The following ARB2A variants were observed in gnomAD, a reference collection of about 807,000 sequenced individuals.
ARB2A encodes ARB2 cotranscriptional regulator A.
chr5:94,028,858 CT>C, the ARB2A span, among the ~76,000 whole-genome samples: 3 of 152,130 alleles, frequency 2.0e-5, no homozygotes, highest in African/African-American at 7.2e-5. Context: ...GAACATTTCT[CT>C]ACATAACCAT....
At chr5:93,783,635 C>G in the ARB2A span, among the ~76,000 whole-genome samples, 1 of 152,096 alleles carries the variant, frequency 6.6e-6, no homozygotes, top group Non-Finnish European at 1.5e-5. Context: ...TAAACAATTA[C>G]TATGGCACGG....
At chr5:93,640,576 G>A in the ARB2A span, among the ~76,000 whole-genome samples, 23,433 of 131,866 alleles carry the variant, frequency 0.18, 2,207 homozygotes, top group Middle Eastern at 0.29. Context: ...GTGTGTGTAT[G>A]TGTGTGTGTG....
At chr5:93,945,591 G>T in the ARB2A span, among the ~76,000 whole-genome samples, 1 of 151,950 alleles carries the variant, frequency 6.6e-6, no homozygotes, top group Non-Finnish European at 1.5e-5. Flanking sequence ...TCTATGGAAT[G>T]GTTAAAAGAA....
chr5:94,083,063 T>C, the ARB2A span, among the ~76,000 whole-genome samples: 1 of 152,196 alleles, frequency 6.6e-6, no homozygotes, highest in Non-Finnish European at 1.5e-5. Flanking sequence ...ACAAAATATT[T>C]TTTTCCCACA....
At chr5:93,713,992 A>C in the ARB2A span, among the ~76,000 whole-genome samples, 1 of 152,200 alleles carries the variant, frequency 6.6e-6, no homozygotes, top group South Asian at 2.1e-4. Context: ...GGGGCAGCTA[A>C]AGCCCTGTGC....
At chr5:93,869,367 T>A in the ARB2A span, among the ~76,000 whole-genome samples, 2 of 152,160 alleles carry the variant, frequency 1.3e-5, no homozygotes, top group Admixed American at 1.3e-4. Context: ...CTGTCCAATA[T>A]TATCTTAGAC....
chr5:93,980,224 G>C, the ARB2A span, among the ~76,000 whole-genome samples: 1 of 152,088 alleles, frequency 6.6e-6, no homozygotes, highest in Non-Finnish European at 1.5e-5. Flanking sequence ...ATATGTATCT[G>C]AACCTAATTT....
At chr5:93,830,303 G>GTGTGTGTGTGTT in the ARB2A span, among the ~76,000 whole-genome samples, 1 of 64,338 alleles carries the variant, frequency 1.6e-5, no homozygotes. Flanking sequence ...ATATATATGT[G>GTGTGTGTGTGTT]TGTGTGTGTA....
chr5:94,064,644 C>T, the ARB2A span, among the ~76,000 whole-genome samples: 1 of 152,180 alleles, frequency 6.6e-6, no homozygotes, highest in Non-Finnish European at 1.5e-5. Context: ...TAGCACATTG[C>T]TCAACAGAAC....
At chr5:93,740,900 C>T in the ARB2A span, 9 of 1,613,822 alleles carry the variant, frequency 5.6e-6, no homozygotes, top group Non-Finnish European at 7.6e-6. Flanking sequence ...AGGCTGTTTC[C>T]GATTCGTCGC....
the ARB2A span, chr5:93,781,753 TA>T: frequency 5.4e-4 from 191 of 353,134 alleles, no homozygotes; most frequent in Non-Finnish European, 6.3e-4. Context: ...ATTTTGGTTT[TA>T]ATTTGCATTT....
the ARB2A span, among the ~76,000 whole-genome samples, chr5:93,791,743 T>C: frequency 6.6e-6 from 1 of 152,172 alleles, no homozygotes; most frequent in South Asian, 2.1e-4. Flanking sequence ...CTGAAACTTC[T>C]TGGGTCACAT....
At chr5:94,083,675 AGTTT>A in the ARB2A span, among the ~76,000 whole-genome samples, 1 of 152,172 alleles carries the variant, frequency 6.6e-6, no homozygotes. Flanking sequence ...TTCTATTCAA[AGTTT>A]GTTTGACATT....
the ARB2A span, among the ~76,000 whole-genome samples, chr5:93,932,482 GAAGAT>G: frequency 6.6e-6 from 1 of 152,114 alleles, no homozygotes; most frequent in East Asian, 1.9e-4. Context: ...AAAATTATTT[GAAGAT>G]AAGTAGTCAG....
At chr5:93,740,823 G>A in the ARB2A span, 37 of 1,613,828 alleles carry the variant, frequency 2.3e-5, no homozygotes, top group Non-Finnish European at 3.1e-5. Context: ...TCTGCAGCTG[G>A]AGGCACCCAG....
At chr5:93,834,496 G>A in the ARB2A span, among the ~76,000 whole-genome samples, 1 of 152,144 alleles carries the variant, frequency 6.6e-6, no homozygotes, top group Non-Finnish European at 1.5e-5. Context: ...TTTCATATGT[G>A]TTACTTCCCA....
chr5:93,860,290 C>T, the ARB2A span, among the ~76,000 whole-genome samples: 1 of 151,802 alleles, frequency 6.6e-6, no homozygotes, highest in Admixed American at 6.6e-5. Context: ...GAGACTTCAT[C>T]TCAAAAAAAA....
chr5:94,039,371 A>T, the ARB2A span, among the ~76,000 whole-genome samples: 1 of 152,310 alleles, frequency 6.6e-6, no homozygotes, highest in Admixed American at 6.5e-5. Flanking sequence ...TGAAGTAAGG[A>T]AGCTAGCCAA....
the ARB2A span, among the ~76,000 whole-genome samples, chr5:93,766,631 C>T: frequency 6.6e-6 from 1 of 152,136 alleles, no homozygotes; most frequent in Non-Finnish European, 1.5e-5. Flanking sequence ...GTCAGTGTGG[C>T]AATTCCTCAG....
Sources: gnomAD v4.1 joint callset for allele counts (sites outside exome capture counted in the v4.1 genomes callset) on GRCh38, gnomAD v4.1.1 for gene constraint, MANE v1.5 for transcripts, NCBI Gene and HGNC (gene_info 2026-07-23, HGNC 2026-07-21) for gene names.